Variants in COG2 observed in about 807,000 individuals in gnomAD.
COG2 encodes conserved oligomeric Golgi complex subunit 2.
In COG2, 52 loss-of-function variants were observed where a neutral mutation model predicts 90.6. The ratio of observed to expected loss-of-function variants is 0.57; its 90% CI spans 0.46 to 0.72. The LOEUF is 0.72. Among genes scored for constraint, COG2 ranks in the 30% least tolerant of loss-of-function variants. COG2 has a pLI of 0.00. For synonymous variants in COG2, 337 were observed against 320.4 expected (o/e 1.05, Z -0.55); for missense variants, 829 against 891.2 (o/e 0.93, Z 0.89).
chr1:230,678,013 G>A, intron 9 of COG2: 7 of 985,350 alleles, frequency 7.1e-6, no homozygotes, highest in Non-Finnish European at 8.4e-6. Context: ...TAAATTTAAA[G>A]CCTGTAGTTT....
In COG2 at chr1:230,669,021, G is replaced by A. The variant is rs993440405; in HGVS notation, c.594+237G>A. On this transcript the variant is annotated intron_variant, in intron 6 of 17. Coordinates refer to ENST00000366669, the MANE Select transcript of COG2 (RefSeq NM_007357.3). ...AATTAATTCTGAATTTCATGGAATT[G>A]GACATCTTATATGATGTAGACAATT... 4 of 463,108 alleles carry A rather than the reference G, an allele frequency of 8.6e-6. No individual in the cohort carries two copies. In the Admixed American group the frequency reaches 1.2e-4, roughly 14 times the overall value. 28.7% of individuals were successfully genotyped at this position (463,108 alleles called of 1,614,324 possible).
At chr1:230,646,664 C>T (rs1356778032) in intron 1 of COG2, among the ~76,000 whole-genome samples, 1 of 151,786 alleles carries the variant, frequency 6.6e-6, no homozygotes, top group Non-Finnish European at 1.5e-5. Flanking sequence ...GCACCTCAAA[C>T]TCGGCATATT....
chr1:230,660,892 A>C (rs1194791720), intron 3 of COG2, 69 bp downstream of exon 3: 2 of 1,086,894 alleles, frequency 1.8e-6, no homozygotes, highest in African/African-American at 3.3e-5. Context: ...CTTCCAAAAA[A>C]AAATTCCTTT....
chr1:230,689,532 C>T (rs1451597447), intron 15 of COG2, among the ~76,000 whole-genome samples: 2 of 152,242 alleles, frequency 1.3e-5, no homozygotes, highest in African/African-American at 2.4e-5. Context: ...AGAAAGGTTA[C>T]ATTCCTGACC....
At chr1:230,686,812 T>C (rs192867037) in intron 12 of COG2, 123 bp from the exon 13 acceptor site, 1 of 504,790 alleles carries the variant, frequency 2.0e-6, no homozygotes, top group East Asian at 3.3e-5. Context: ...AGTAAGTTTT[T>C]ACTAAATGCT....
intron 5 of COG2, 26 bp from the exon 6 acceptor site, chr1:230,668,650 A>G (rs374816304): frequency 9.6e-5 from 138 of 1,441,454 alleles, no homozygotes; most frequent in Middle Eastern, 1.7e-4. Context: ...TAGGGGTTAC[A>G]CTTCTATAAC....
Position 230,679,036 on chromosome 1 carries a change from GTTTA to G in COG2, c.1154_1157del (p.Tyr385PhefsTer3). 15 of 1,612,194 alleles carry G rather than the reference GTTTA, an allele frequency of 9.3e-6. No homozygotes were observed. The highest frequency in any genetic ancestry group is 1.3e-5 in the Non-Finnish European group (15 of 1,178,498). ...CTTCAATAAGAAGTGGAACTTGCCT[GTTTA>G]TTTTCAAATAAGGTTGGTCATCTAT... On this transcript the variant is annotated frameshift_variant, in exon 10 of 18. Transcript: ENST00000366669. LOFTEE classifies it high-confidence loss of function.
rs1663091674 is a variant in COG2 at position 230,693,486 on chromosome 1, A to G, written c.*93A>G. 8.0e-6 allele frequency: 6 copies of G among 745,994 alleles called. No individual in the cohort carries two copies. The South Asian group carries it at 1.1e-4, about 14-fold the overall frequency. 46.2% of individuals were successfully genotyped at this position (745,994 alleles called of 1,614,324 possible). A position where few individuals can be genotyped will look rare whatever the true frequency, so the allele number is the denominator to read the frequency against. On this transcript the variant is annotated 3_prime_UTR_variant, in exon 18 of 18. Transcript: ENST00000366669. ...AGAAAGTGACTCTGTTCTCTTAGCA[A>G]CCGTCTGTAGCAAAGAAGTGCTTCC...
At chr1:230,676,273 C>T (rs1294126228) in intron 9 of COG2, among the ~76,000 whole-genome samples, 1 of 152,052 alleles carries the variant, frequency 6.6e-6, no homozygotes, top group African/African-American at 2.4e-5. Context: ...TTCTTCCTCC[C>T]TTCTTTTTTC....
At chr1:230,648,379 T>C (rs1336914962) in intron 1 of COG2, among the ~76,000 whole-genome samples, 1 of 152,228 alleles carries the variant, frequency 6.6e-6, no homozygotes, top group Admixed American at 6.5e-5. Flanking sequence ...GGTTTCATTT[T>C]TGGTCTTCAT....
chr1:230,673,442 A>G (rs917734059), intron 8 of COG2, among the ~76,000 whole-genome samples: 1 of 152,222 alleles, frequency 6.6e-6, no homozygotes, highest in African/African-American at 2.4e-5. Context: ...ATAACTGGCA[A>G]CACCAACAAC....
chr1:230,680,936 G>T (rs1051690160), intron 10 of COG2: 1 of 152,148 alleles, frequency 6.6e-6, no homozygotes, highest in African/African-American at 2.4e-5. Flanking sequence ...GGGTGTGATG[G>T]TTGGACATTT....
At position 230,660,748 on chromosome 1, in the gene COG2, C is replaced by T; in HGVS notation, c.235-10C>T. On this transcript the variant is annotated splice_polypyrimidine_tract_variant and intron_variant, in intron 2 of 17. Coordinates refer to ENST00000366669, the MANE Select transcript of COG2 (RefSeq NM_007357.3). ...TGAGGTGTGTGTGCCAACATGATTT[C>T]TGCCTTTAGGTTGGCATGGACAAAG... is the stretch of plus-strand genomic sequence containing the variant. 1 of 1,571,956 alleles carries T rather than the reference C, an allele frequency of 6.4e-7. No homozygotes were observed. Among genetic ancestry groups the T allele is most frequent in the African/African-American group, 1.4e-5 (1 of 72,390 alleles).
chr1:230,672,162 C>A (rs1238788519), intron 8 of COG2, among the ~76,000 whole-genome samples: 1 of 152,166 alleles, frequency 6.6e-6, no homozygotes. Flanking sequence ...AATCTTCCCA[C>A]CCTGTCTCCC....
intron 1 of COG2, among the ~76,000 whole-genome samples, chr1:230,645,610 TG>T (rs1244222662): frequency 9.2e-5 from 14 of 152,160 alleles, no homozygotes; most frequent in African/African-American, 3.4e-4. Flanking sequence ...GGGATGGTTT[TG>T]GGGTGATTCA....
At position 230,688,080 on chromosome 1, in the gene COG2, C is replaced by T; in HGVS notation, c.1588C>T (p.Leu530Phe). The change falls in exon 14 of 18, where the codon CTC becomes TTC. Residue 530 changes from leucine to phenylalanine, a missense_variant. Leu to Phe is a conservative substitution (Grantham distance 22). Transcript: ENST00000366669. The part of the protein sequence containing the change: ...LDKLQEQLPE[L>F]LEIIKPKLEM... ...TGCATATTTATTTCAGCTTCCAGAA[C>T]TCTTGGAAATAATCAAGCCAAAACT... is the stretch of plus-strand genomic sequence containing the variant. 1 of 1,592,778 alleles carries T rather than the reference C, an allele frequency of 6.3e-7. No individual in the cohort carries two copies. The highest frequency in any genetic ancestry group is 8.5e-7 in the Non-Finnish European group (1 of 1,172,260).
intron 1 of COG2, among the ~76,000 whole-genome samples, chr1:230,650,652 C>T (rs1280202015): frequency 2.0e-5 from 3 of 152,016 alleles, no homozygotes; most frequent in African/African-American, 7.2e-5. Flanking sequence ...CTGTAGATTG[C>T]CTGTTTACAC....
chr1:230,659,027 T>A (rs1662124482), intron 1 of COG2, among the ~76,000 whole-genome samples: 1 of 152,124 alleles, frequency 6.6e-6, no homozygotes, highest in Non-Finnish European at 1.5e-5. Context: ...GAGAAAAAAA[T>A]TAATAGATTA....
In COG2 at chr1:230,647,536, G is replaced by A. The variant is rs570626749; in HGVS notation, c.72+4858G>A. 2.0e-5 allele frequency among the ~76,000 whole-genome samples: 3 copies of A among 152,300 alleles called. No homozygotes were observed. In the South Asian group the frequency reaches 6.2e-4, roughly 32 times the overall value. On this transcript the variant is annotated intron_variant, in intron 1 of 17. Coordinates refer to ENST00000366669, the MANE Select transcript of COG2 (RefSeq NM_007357.3). ...TCAGTTTCCTCATTTATGTCATGGG[G>A]TGATGCTTATCTCAATACTCTTTGC...
Sources: gnomAD v4.1 joint callset for allele counts (sites outside exome capture counted in the v4.1 genomes callset) on GRCh38, gnomAD v4.1.1 for gene constraint, MANE v1.5 for transcripts, NCBI Gene and HGNC (gene_info 2026-07-23, HGNC 2026-07-21) for gene names.